DRC8: variants seen among roughly 807,000 people sequenced by gnomAD.
DRC8 encodes dynein regulatory complex subunit 8.
chr1:244,997,525 CTT>C, the DRC8 span, among the ~76,000 whole-genome samples: 38 of 126,668 alleles, frequency 3.0e-4, no homozygotes, highest in East Asian at 2.0e-3. Context: ...TTCGTGCCAT[CTT>C]TTTTTTTTTT....
chr1:244,980,040 TA>T, the DRC8 span, among the ~76,000 whole-genome samples: 3,544 of 34,346 alleles, frequency 0.1, 212 homozygotes, highest in African/African-American at 0.27. Flanking sequence ...CCGTCTCTAC[TA>T]AAAAAAAAAA....
the DRC8 span, among the ~76,000 whole-genome samples, chr1:245,045,014 T>C: frequency 6.6e-6 from 1 of 152,166 alleles, no homozygotes; most frequent in East Asian, 1.9e-4. Flanking sequence ...TTTAATTGAA[T>C]TTATTTATGT....
the DRC8 span, chr1:245,087,669 G>T: frequency 9.6e-7 from 1 of 1,039,224 alleles, no homozygotes; most frequent in Non-Finnish European, 1.2e-6. Flanking sequence ...CTGACAAAAT[G>T]AAAATGACTT....
chr1:244,996,863 C>A, the DRC8 span, among the ~76,000 whole-genome samples: 94 of 152,218 alleles, frequency 6.2e-4, no homozygotes, highest in African/African-American at 2.1e-3. Flanking sequence ...ATGCAGTCAC[C>A]CCTTGGCATG....
the DRC8 span, among the ~76,000 whole-genome samples, chr1:244,996,396 G>A: frequency 3.3e-5 from 5 of 152,150 alleles, no homozygotes; most frequent in South Asian, 4.1e-4. Context: ...GGGACTGCAC[G>A]AATGTGTGAA....
At chr1:245,094,276 C>T in the DRC8 span, among the ~76,000 whole-genome samples, 39 of 152,138 alleles carry the variant, frequency 2.6e-4, 1 homozygote, top group Admixed American at 2.2e-3. Context: ...CCACTGTTCT[C>T]GGAAAACCCC....
chr1:245,121,886 T>G, the DRC8 span: 4 of 421,686 alleles, frequency 9.5e-6, no homozygotes, highest in South Asian at 6.9e-5. Flanking sequence ...TATTTTTCTT[T>G]TCTTTTTTCT....
At chr1:245,100,555 T>C in the DRC8 span, among the ~76,000 whole-genome samples, 107 of 151,966 alleles carry the variant, frequency 7.0e-4, no homozygotes, top group African/African-American at 2.4e-3. Context: ...CTGAGGCTGG[T>C]GGATTGCCTC....
the DRC8 span, chr1:245,059,295 A>G: frequency 3.8e-5 from 33 of 859,534 alleles, no homozygotes; most frequent in African/African-American, 5.5e-4. Context: ...TTGGTTTCCT[A>G]CATTACAAAA....
chr1:245,078,512 G>A, the DRC8 span, among the ~76,000 whole-genome samples: 3 of 152,000 alleles, frequency 2.0e-5, no homozygotes, highest in Admixed American at 6.6e-5. Context: ...AAAAAAGGAG[G>A]TCCTGCTATT....
chr1:245,032,522 A>G, the DRC8 span, among the ~76,000 whole-genome samples: 1 of 152,202 alleles, frequency 6.6e-6, no homozygotes, highest in Admixed American at 6.5e-5. Flanking sequence ...CATTTATGCC[A>G]TATTTCCTTT....
At chr1:245,002,337 C>T in the DRC8 span, 5 of 881,240 alleles carry the variant, frequency 5.7e-6, no homozygotes, top group Non-Finnish European at 9.2e-6. Flanking sequence ...ATTGATTATA[C>T]ATCTAGCCAG....
the DRC8 span, among the ~76,000 whole-genome samples, chr1:245,024,611 G>C: frequency 6.8e-6 from 1 of 147,746 alleles, no homozygotes; most frequent in African/African-American, 2.5e-5. Context: ...GCAGTGGCAC[G>C]ATCTCAGCTC....
the DRC8 span, among the ~76,000 whole-genome samples, chr1:245,080,491 A>G: frequency 1.3e-5 from 2 of 152,156 alleles, no homozygotes; most frequent in Non-Finnish European, 2.9e-5. Flanking sequence ...TGAGATCGTG[A>G]TTGGTCCCCT....
At chr1:245,072,592 C>T in the DRC8 span, among the ~76,000 whole-genome samples, 1 of 152,178 alleles carries the variant, frequency 6.6e-6, no homozygotes, top group East Asian at 1.9e-4. Context: ...ATGGTGAAGA[C>T]TTGTTGTTAT....
the DRC8 span, among the ~76,000 whole-genome samples, chr1:244,975,426 A>C: frequency 6.6e-6 from 1 of 152,232 alleles, no homozygotes; most frequent in African/African-American, 2.4e-5. Flanking sequence ...ATCTGATCTT[A>C]GCCGAGATGC....
chr1:245,121,636 T>A, the DRC8 span, among the ~76,000 whole-genome samples: 1 of 152,168 alleles, frequency 6.6e-6, no homozygotes, highest in Non-Finnish European at 1.5e-5. Context: ...GCACCTCTAC[T>A]ACCAAAGGCC....
chr1:245,052,475 C>T, the DRC8 span, among the ~76,000 whole-genome samples: 3 of 152,284 alleles, frequency 2.0e-5, no homozygotes, highest in South Asian at 6.2e-4. Flanking sequence ...GCGGAGGAAC[C>T]ACGCAGCCAA....
chr1:245,059,561 A>C, the DRC8 span: 2 of 884,220 alleles, frequency 2.3e-6, no homozygotes, highest in Non-Finnish European at 3.5e-6. Context: ...AGTGCCCCAA[A>C]CTACTGAATG....
Sources: allele counts gnomAD v4.1 joint callset (sites outside exome capture counted in the v4.1 genomes callset), GRCh38; gene constraint gnomAD v4.1.1; transcripts MANE v1.5; gene names NCBI Gene and HGNC (gene_info 2026-07-23, HGNC 2026-07-21).